SLC25A37: variants seen among roughly 807,000 people sequenced by gnomAD.
The protein encoded by SLC25A37 is mitoferrin-1.
In SLC25A37, 17 loss-of-function variants were observed where a neutral mutation model predicts 31.0. The ratio of observed to expected loss-of-function variants is 0.55; its 90% CI spans 0.38 to 0.82. SLC25A37 has a LOEUF of 0.82. Ranked by LOEUF, SLC25A37 falls within the 40% of genes least tolerant of loss-of-function variation. SLC25A37 has a pLI of 0.00. For synonymous variants in SLC25A37, 222 were observed against 193.0 expected, an observed-to-expected ratio of 1.15 and a Z score of -1.24; for missense variants, 404 against 465.8, an observed-to-expected ratio of 0.87 and a Z score of 1.22.
At chr8:23,543,772 T>G (rs11984487) in intron 1 of SLC25A37, among the ~76,000 whole-genome samples, 54,036 of 145,808 alleles carry the variant, frequency 0.37, 11,743 homozygotes, top group East Asian at 0.62. Context: ...TGACCTTGTT[T>G]TGATCTGCTT....
intron 1 of SLC25A37, among the ~76,000 whole-genome samples, chr8:23,541,177 T>G (rs985735886): frequency 6.6e-6 from 1 of 151,982 alleles, no homozygotes; most frequent in African/African-American, 2.4e-5. Context: ...AGACAGGGGA[T>G]AGTAGTGGCT....
chr8:23,569,865 G>T (rs1802774533), intron 3 of SLC25A37, among the ~76,000 whole-genome samples: 2 of 152,342 alleles, frequency 1.3e-5, no homozygotes, highest in South Asian at 4.1e-4. Flanking sequence ...TAGGTGAGTT[G>T]TGGAGCTCTT....
chr8:23,555,022 C>T (rs1802326387), intron 1 of SLC25A37, among the ~76,000 whole-genome samples: 1 of 152,152 alleles, frequency 6.6e-6, no homozygotes, highest in African/African-American at 2.4e-5. Context: ...CTAGCCCCAC[C>T]CTACCTTTCT....
chr8:23,542,431 C>T (rs541054843), intron 1 of SLC25A37, among the ~76,000 whole-genome samples: 34 of 132,390 alleles, frequency 2.6e-4, no homozygotes, highest in African/African-American at 9.8e-4. Flanking sequence ...TAGGCTGGAG[C>T]GAAGTGGCGC....
At position 23,540,633 on chromosome 8, in the gene SLC25A37, C is replaced by T. The variant is rs575898503; in HGVS notation, c.210+11421C>T. Among the ~76,000 whole-genome samples, 3 of 152,324 alleles carry T rather than the reference C, an allele frequency of 2.0e-5. No individual in the cohort carries two copies. The South Asian group carries it at 6.2e-4, about 32-fold the overall frequency. Reference sequence around the variant, plus strand: ...TTGCTGTGACACCTTCTCATTTCAGCAGTGAGTCGAAGTTGCACTCAATAT... The same window carrying T: ...TTGCTGTGACACCTTCTCATTTCAGTAGTGAGTCGAAGTTGCACTCAATAT... On this transcript the variant is annotated intron_variant, in intron 1 of 3. Coordinates refer to ENST00000519973, the MANE Select transcript of SLC25A37 (RefSeq NM_016612.4).
chr8:23,551,443 C>T (rs2117420911), intron 1 of SLC25A37, among the ~76,000 whole-genome samples: 1 of 152,168 alleles, frequency 6.6e-6, no homozygotes, highest in South Asian at 2.1e-4. Context: ...CCTGCCACAT[C>T]CCAGTGTTGT....
intron 1 of SLC25A37, among the ~76,000 whole-genome samples, chr8:23,543,545 A>G (rs28821785): frequency 0.37 from 56,739 of 151,724 alleles, 12,238 homozygotes; most frequent in East Asian, 0.61. Flanking sequence ...GGCTCCATTC[A>G]TGGTAAATGC....
At chr8:23,533,017 C>T (rs1801692348) in intron 1 of SLC25A37, among the ~76,000 whole-genome samples, 2 of 152,196 alleles carry the variant, frequency 1.3e-5, no homozygotes, top group African/African-American at 4.8e-5. Context: ...TCTCTCCCTT[C>T]TTGTCTCCTC....
intron 1 of SLC25A37, among the ~76,000 whole-genome samples, chr8:23,532,955 C>G (rs568904061): frequency 1.2e-4 from 18 of 152,202 alleles, no homozygotes; most frequent in African/African-American, 4.1e-4. Flanking sequence ...TTCAGAAGGG[C>G]GTGAAATCCC....
chr8:23,562,331 C>T (rs1365117015), intron 1 of SLC25A37, among the ~76,000 whole-genome samples: 1 of 152,150 alleles, frequency 6.6e-6, no homozygotes, highest in East Asian at 1.9e-4. Flanking sequence ...GTGAACTTTG[C>T]ATTGATGTGA....
intron 1 of SLC25A37, among the ~76,000 whole-genome samples, chr8:23,550,449 T>TA (rs1802193125): frequency 6.6e-6 from 1 of 152,208 alleles, no homozygotes; most frequent in Admixed American, 6.5e-5. Context: ...GGGACTGCTT[T>TA]AAAAATCCCT....
rs796384875 is a variant in SLC25A37, at chr8:23,553,870, C to A, written c.211-12238C>A. Among the ~76,000 whole-genome samples the A allele has an allele frequency of 2.8e-4, 43 of 152,270 alleles. 1 individual carries two copies. In the South Asian group the frequency reaches 2.9e-3, roughly 10 times the overall value. Reference sequence around the variant, plus strand: ...TGCAGCTGGGCATAGACACAGTCCTCAGGGGTTTTGTGGACATTAACAAGT... The same window carrying A: ...TGCAGCTGGGCATAGACACAGTCCTAAGGGGTTTTGTGGACATTAACAAGT... On this transcript the variant is annotated intron_variant, in intron 1 of 3. Coordinates refer to ENST00000519973, the MANE Select transcript of SLC25A37 (RefSeq NM_016612.4).
At chr8:23,535,865 G>T (rs911246924) in intron 1 of SLC25A37, among the ~76,000 whole-genome samples, 3 of 152,056 alleles carry the variant, frequency 2.0e-5, no homozygotes, top group Admixed American at 2.0e-4. Flanking sequence ...AGAACAGTGT[G>T]GGGGAAACTG....
chr8:23,546,645 G>A (rs1267167611), intron 1 of SLC25A37, among the ~76,000 whole-genome samples: 1 of 146,200 alleles, frequency 6.8e-6, no homozygotes, highest in Non-Finnish European at 1.5e-5. Context: ...TTTGGGCCAG[G>A]AAGGGTGAAG....
chr8:23,533,900 G>A (rs1472423405), intron 1 of SLC25A37, among the ~76,000 whole-genome samples: 1 of 152,074 alleles, frequency 6.6e-6, no homozygotes, highest in Non-Finnish European at 1.5e-5. Context: ...GTTTGTCATA[G>A]GAGGGGTATA....
At chr8:23,530,957 T>C (rs1201901141) in intron 1 of SLC25A37, among the ~76,000 whole-genome samples, 1 of 152,220 alleles carries the variant, frequency 6.6e-6, no homozygotes, top group Non-Finnish European at 1.5e-5. Context: ...CATGTTGATA[T>C]GTTTTGGTTC....
In SLC25A37 at chr8:23,529,000, C is replaced by T. The variant is rs779737238; in HGVS notation, c.-3C>T. On this transcript the variant is annotated 5_prime_UTR_variant, in exon 1 of 4. Coordinates refer to ENST00000519973, the MANE Select transcript of SLC25A37 (RefSeq NM_016612.4). ...AGCCTCCTGCGCCCCGCCGAGCTGG[C>T]GGATGGAGCTGCGCAGCGGGAGCGT... is the stretch of plus-strand genomic sequence containing the variant. 51 of 1,498,986 alleles carry T rather than the reference C, an allele frequency of 3.4e-5. No homozygotes were observed. Among genetic ancestry groups the T allele is most frequent in the Non-Finnish European group, 4.4e-5 (49 of 1,122,096 alleles). The allele number at this position is 1,498,986 out of a possible 1,614,324, so 92.9% of individuals were successfully genotyped here.
Position 23,568,459 on chromosome 8 carries a change from ACTGAAGGTGGGCAGAGC to A in SLC25A37, c.496+82_496+98del. Reference sequence around the variant, plus strand: ...AAATGGTTGTGGGAGAGTGGAGAGGACTGAAGGTGGGCAGAGCGGCTCCTAGTCTCCAGTCAGAGCAG... The same window carrying A: ...AAATGGTTGTGGGAGAGTGGAGAGGAGGCTCCTAGTCTCCAGTCAGAGCAG... On this transcript the variant is annotated intron_variant, in intron 3 of 3. Coordinates refer to ENST00000519973, the MANE Select transcript of SLC25A37 (RefSeq NM_016612.4). 2.0e-6 allele frequency: 3 copies of A among 1,530,906 alleles called. No individual in the cohort carries two copies. The South Asian group carries it at 3.4e-5, about 17-fold the overall frequency. 94.8% of individuals were successfully genotyped at this position (1,530,906 alleles called of 1,614,324 possible). A position where few individuals can be genotyped will look rare whatever the true frequency, so the allele number is the denominator to read the frequency against.
At chr8:23,542,122 C>T (rs1585177567) in intron 1 of SLC25A37, among the ~76,000 whole-genome samples, 1 of 152,172 alleles carries the variant, frequency 6.6e-6, no homozygotes, top group East Asian at 1.9e-4. Flanking sequence ...CTATGGACTC[C>T]ATATGTGATG....
Sources: gnomAD v4.1 joint callset for allele counts (sites outside exome capture counted in the v4.1 genomes callset) on GRCh38, gnomAD v4.1.1 for gene constraint, MANE v1.5 for transcripts, NCBI Gene and HGNC (gene_info 2026-07-23, HGNC 2026-07-21) for gene names.